FREM2: variants seen among roughly 807,000 people sequenced by gnomAD.
The protein encoded by FREM2 is FRAS1-related extracellular matrix protein 2.
FREM2 carries 119 observed loss-of-function variants against 219.9 expected under a neutral mutation model. That is an observed-to-expected ratio of 0.54 (90% CI 0.47 to 0.63). The LOEUF (loss-of-function observed/expected upper bound fraction) is 0.63, where lower values mean the gene tolerates loss of function less well. Among genes scored for constraint, FREM2 ranks in the 30% least tolerant of loss-of-function variants. The pLI is 0.00. For missense variants in FREM2, 4,030 were observed against 3,993.6 expected (o/e 1.01, Z -0.25); for synonymous variants, 1,562 against 1,522.8 (o/e 1.03, Z -0.60).
intron 6 of FREM2, among the ~76,000 whole-genome samples, chr13:38,794,733 C>A (rs746079073): frequency 2.0e-5 from 3 of 151,946 alleles, no homozygotes; most frequent in Admixed American, 6.6e-5. Context: ...ACATTGCTAG[C>A]TATACAGTAC....
intron 2 of FREM2, among the ~76,000 whole-genome samples, chr13:38,698,642 G>A (rs7992511): frequency 0.12 from 18,299 of 152,134 alleles, 1,299 homozygotes; most frequent in East Asian, 0.23. Flanking sequence ...ATGTGAGAGA[G>A]CAGAGAGAGG....
chr13:38,826,444 T>C (rs367975419), intron 6 of FREM2, among the ~76,000 whole-genome samples: 1 of 152,018 alleles, frequency 6.6e-6, no homozygotes, highest in African/African-American at 2.4e-5. Flanking sequence ...ACTGCTAATA[T>C]AGAGTAACAC....
rs1168495003 is a variant in FREM2, at chr13:38,880,274, T to C, written c.9007-10T>C. 6.2e-7 allele frequency: 1 copy of C among 1,613,080 alleles called. No homozygotes were observed. Among genetic ancestry groups the C allele is most frequent in the Admixed American group, 1.7e-5 (1 of 60,024 alleles). On this transcript the variant is annotated splice_polypyrimidine_tract_variant and intron_variant, in intron 23 of 23. Transcript: ENST00000280481. The stretch of plus-strand genomic sequence containing the variant: ...TAGTATTTCCTAATAAATAGAGTTG[T>C]GCTTTCTAGGTCGCTCTAGGCCGAG...
At chr13:38,715,968 C>A (rs760349479) in intron 2 of FREM2, among the ~76,000 whole-genome samples, 12 of 152,054 alleles carry the variant, frequency 7.9e-5, no homozygotes, top group Non-Finnish European at 1.5e-4. Flanking sequence ...ATAATTTGCA[C>A]TTAGAATTTT....
At chr13:38,840,894 CT>C (rs1185049603) in intron 6 of FREM2, among the ~76,000 whole-genome samples, 1 of 152,064 alleles carries the variant, frequency 6.6e-6, no homozygotes, top group Non-Finnish European at 1.5e-5. Flanking sequence ...TCTTTGAACA[CT>C]TAGGTTAGCA....
chr13:38,857,741 G>T, intron 12 of FREM2, 134 bp from the exon 13 acceptor site: 1 of 754,340 alleles, frequency 1.3e-6, no homozygotes, highest in East Asian at 2.6e-5. Flanking sequence ...TTGCTCTCCA[G>T]GGGCTCTGAG....
intron 6 of FREM2, among the ~76,000 whole-genome samples, chr13:38,806,550 G>T (rs939111875): frequency 6.6e-6 from 1 of 151,920 alleles, no homozygotes; most frequent in Non-Finnish European, 1.5e-5. Flanking sequence ...CAATAGTATT[G>T]TGTCTAAAAA....
chr13:38,861,406 A>G, intron 14 of FREM2, 25 bp from the exon 15 acceptor site: 3 of 1,609,742 alleles, frequency 1.9e-6, no homozygotes, highest in African/African-American at 1.3e-5. Flanking sequence ...CTTTTCGCAT[A>G]AATATGGTCT....
chr13:38,800,832 G>T (rs1874980324), intron 6 of FREM2, among the ~76,000 whole-genome samples: 1 of 152,148 alleles, frequency 6.6e-6, no homozygotes, highest in South Asian at 2.1e-4. Context: ...GTTTCACCAT[G>T]TTGGCCAGCC....
chr13:38,703,902 G>A (rs899637963), intron 2 of FREM2, among the ~76,000 whole-genome samples: 7 of 152,030 alleles, frequency 4.6e-5, no homozygotes, highest in South Asian at 2.1e-4. Flanking sequence ...TAAACACTAA[G>A]CATATTTTTC....
Position 38,692,332 on chromosome 13 carries a change from G to T in FREM2, c.4988G>T (p.Gly1663Val). Residue 1663 changes from glycine to valine, a missense_variant, in exon 1 of 24, where the codon GGG becomes GTG. Physicochemically the swap from Gly to Val is moderately radical, Grantham distance 109 (BLOSUM62 -3). Transcript: ENST00000280481. ...GTCCCCCAAATCGCAGTGAATAAGGGGGCCTCTACACTTCGCACTCTAGCC... is the reference window on the plus strand; with the variant it reads ...GTCCCCCAAATCGCAGTGAATAAGGTGGCCTCTACACTTCGCACTCTAGCC... ...NSVPQIAVNKGASTLRTLATG... is the reference protein window; with the variant it reads ...NSVPQIAVNKVASTLRTLATG... 5 of 1,604,864 alleles carry T rather than the reference G, an allele frequency of 3.1e-6. No homozygotes were observed. The highest frequency in any genetic ancestry group is 4.3e-6 in the Non-Finnish European group (5 of 1,175,262).
intron 6 of FREM2, among the ~76,000 whole-genome samples, chr13:38,795,441 A>C (rs988116189): frequency 1.3e-5 from 2 of 151,860 alleles, no homozygotes; most frequent in Non-Finnish European, 2.9e-5. Context: ...ACTTTAAAAA[A>C]ATTCTTTTGT....
chr13:38,841,329 A>AC, intron 6 of FREM2, among the ~76,000 whole-genome samples: 1 of 152,242 alleles, frequency 6.6e-6, no homozygotes, highest in East Asian at 1.9e-4. Flanking sequence ...GTGTGGAGGC[A>AC]AGGGGCATGT....
chr13:38,768,891 A>G (rs76196331), intron 3 of FREM2, among the ~76,000 whole-genome samples: 1,860 of 152,312 alleles, frequency 0.012, 42 homozygotes, highest in African/African-American at 0.043. Context: ...TTGACCTTGA[A>G]TGAACTACCA....
At chr13:38,767,218 C>G (rs1381801915) in intron 3 of FREM2, among the ~76,000 whole-genome samples, 1 of 152,252 alleles carries the variant, frequency 6.6e-6, no homozygotes, top group Non-Finnish European at 1.5e-5. Context: ...AATCTATTCT[C>G]TCCTTCCACA....
At chr13:38,766,527 C>T (rs1349501477) in intron 3 of FREM2, among the ~76,000 whole-genome samples, 2 of 152,040 alleles carry the variant, frequency 1.3e-5, no homozygotes, top group Admixed American at 6.5e-5. Context: ...ACAATGAATA[C>T]GTTGCTTATA....
intron 2 of FREM2, among the ~76,000 whole-genome samples, chr13:38,714,202 G>A (rs1263100521): frequency 6.6e-6 from 1 of 152,230 alleles, no homozygotes; most frequent in East Asian, 1.9e-4. Flanking sequence ...ATTCAAATGA[G>A]TGAACTTGCT....
chr13:38,822,412 A>G (rs1415027539), intron 6 of FREM2, among the ~76,000 whole-genome samples: 1 of 140,360 alleles, frequency 7.1e-6, no homozygotes, highest in East Asian at 2.1e-4. Context: ...TTGAGAGCAC[A>G]CTCCCTGCCA....
At position 38,689,475 on chromosome 13, in the gene FREM2, A is replaced by G; in HGVS notation, c.2131A>G (p.Met711Val). 6.2e-7 allele frequency: 1 copy of G among 1,613,902 alleles called. No homozygotes were observed. The highest frequency in any genetic ancestry group is 8.5e-7 in the Non-Finnish European group (1 of 1,179,940). The change falls in exon 1 of 24, where the codon ATG (methionine) becomes GTG (valine). Residue 711 changes from methionine to valine, a missense_variant. By Grantham distance (21) the Met-to-Val change is conservative. Coordinates refer to ENST00000280481, the MANE Select transcript of FREM2 (RefSeq NM_207361.6). ...PELGSGCPLR[M>V]VVQESQLTPL... Reference sequence around the variant, plus strand: ...GCTGGGCAGTGGCTGTCCCCTTCGTATGGTGGTACAGGAATCCCAGCTCAC... The same window carrying G: ...GCTGGGCAGTGGCTGTCCCCTTCGTGTGGTGGTACAGGAATCCCAGCTCAC...
Sources: allele counts gnomAD v4.1 joint callset (sites outside exome capture counted in the v4.1 genomes callset), GRCh38; gene constraint gnomAD v4.1.1; transcripts MANE v1.5; gene names NCBI Gene and HGNC (gene_info 2026-07-23, HGNC 2026-07-21).